Variants in BANP observed in about 807,000 individuals in gnomAD.
BANP encodes the protein BTG3 associated nuclear protein.
BANP carries 11 observed loss-of-function variants against 68.1 expected under a neutral mutation model. That is an observed-to-expected ratio of 0.16 (90% CI 0.10 to 0.27). The LOEUF is 0.27. Among genes scored for constraint, BANP ranks in the 10% least tolerant of loss-of-function variants. The pLI is 1.00. For synonymous variants in BANP, 329 were observed against 303.2 expected (o/e 1.09, Z -0.88); for missense variants, 504 against 722.7 (o/e 0.70, Z 3.47).
intron 7 of BANP, among the ~76,000 whole-genome samples, chr16:88,023,729 C>T (rs2076447645): frequency 6.6e-6 from 1 of 152,208 alleles, no homozygotes; most frequent in African/African-American, 2.4e-5. Context: ...ATGATTTGAA[C>T]CACCAGAGTC....
chr16:87,965,599 C>T (rs924198680), intron 1 of BANP, among the ~76,000 whole-genome samples: 7 of 120,282 alleles, frequency 5.8e-5, no homozygotes, highest in South Asian at 3.0e-4. Context: ...GGGGAGCGTT[C>T]GCATGGCTGG....
chr16:88,018,623 A>T lies in BANP; in HGVS notation c.851A>T (p.His284Leu). ...TCCAACCTCTCGGGGCAGGGCAAGC[A>T]CGGGAAGAAGCAGCTGGACCCGCTC... is the stretch of plus-strand genomic sequence containing the variant. ...AVSNLSGQGKHGKKQLDPLTI... is the reference protein window; with the variant it reads ...AVSNLSGQGKLGKKQLDPLTI... Residue 284 changes from histidine to leucine, a missense_variant, in exon 7 of 14, where the codon CAC becomes CTC. His to Leu is a moderately conservative substitution (Grantham distance 99). Around this residue, in one of 3 missense-constraint regions of BANP, gnomAD observed 43 missense variants for 197.7 expected, o/e 0.22. Transcript: ENST00000682872. The surrounding 1 kb of genome is among the most constrained non-coding windows in gnomAD (Gnocchi z 7.7). 1 of 1,579,040 alleles carries T rather than the reference A, an allele frequency of 6.3e-7. No homozygotes were observed. Among genetic ancestry groups the T allele is most frequent in the Non-Finnish European group, 8.6e-7 (1 of 1,162,324 alleles).
rs1490758259 is a variant in BANP, at chr16:87,957,361, G to A, written c.-69+5846G>A. 6.6e-6 allele frequency among the ~76,000 whole-genome samples: 1 copy of A among 152,214 alleles called. No individual in the cohort carries two copies. Among genetic ancestry groups the A allele is most frequent in the Non-Finnish European group, 1.5e-5 (1 of 68,036 alleles). ...CAGTGAAACACCTGAGGAAGGCTGG[G>A]CAGAATGGATCGGGGGTGTGTATTG... On this transcript the variant is annotated intron_variant, in intron 1 of 13. Transcript: ENST00000682872. The surrounding 1 kb of genome is among the most constrained non-coding windows in gnomAD (Gnocchi z 4.3).
intron 11 of BANP, among the ~76,000 whole-genome samples, chr16:88,041,630 C>T (rs1453558464): frequency 6.6e-6 from 1 of 152,232 alleles, no homozygotes; most frequent in East Asian, 1.9e-4. Flanking sequence ...TGCTCTGATA[C>T]TGAGGTTCCA....
chr16:88,050,226 G>T (rs1598871478), intron 11 of BANP, among the ~76,000 whole-genome samples: 1 of 152,282 alleles, frequency 6.6e-6, no homozygotes, highest in South Asian at 2.1e-4. Context: ...GTGTGATCTT[G>T]GCTTACTGCA....
chr16:87,966,233 T>TTC (rs1406387837), intron 1 of BANP, among the ~76,000 whole-genome samples: 18 of 152,182 alleles, frequency 1.2e-4, no homozygotes, highest in African/African-American at 4.3e-4. Context: ...CTGCTGTACA[T>TTC]TCAGGGTGTT....
intron 11 of BANP, among the ~76,000 whole-genome samples, chr16:88,058,829 A>C (rs2085869059): frequency 6.6e-6 from 1 of 152,166 alleles, no homozygotes; most frequent in South Asian, 2.1e-4. Context: ...AATTATTTTC[A>C]TGTGTAGACA....
chr16:88,026,388 T>C (rs556150569), intron 7 of BANP, among the ~76,000 whole-genome samples: 1 of 152,148 alleles, frequency 6.6e-6, no homozygotes, highest in Non-Finnish European at 1.5e-5. Flanking sequence ...TGAGCAGCGA[T>C]GGGAGGGTGT....
intron 13 of BANP, among the ~76,000 whole-genome samples, chr16:88,075,746 CTTTTT>C (rs34974822): frequency 1.5e-4 from 18 of 120,914 alleles, no homozygotes; most frequent in African/African-American, 4.8e-4. Context: ...TTTTCCTTTA[CTTTTT>C]TTTTTTTTTT....
intron 2 of BANP, among the ~76,000 whole-genome samples, chr16:87,977,521 C>G (rs2062405729): frequency 6.6e-6 from 1 of 152,182 alleles, no homozygotes; most frequent in African/African-American, 2.4e-5. Flanking sequence ...CTGCAGGTAC[C>G]TTGATGTGTC....
rs2058249419 is a variant in BANP at position 87,957,231 on chromosome 16, G to C, written c.-69+5716G>C. ...GGTCAGTGGTGGTGGAGGATGGCGC[G>C]GTGCTCCATTCGGAACCCACAGGTC... On this transcript the variant is annotated intron_variant, in intron 1 of 13. Coordinates refer to ENST00000682872, the MANE Select transcript of BANP (RefSeq NM_001386991.1). This position sits in a 1 kb window ranked among gnomAD's most constrained non-coding sequence, Gnocchi z 4.3. Among the ~76,000 whole-genome samples the C allele has an allele frequency of 6.6e-6, 1 of 152,184 alleles. No homozygotes were observed. The highest frequency in any genetic ancestry group is 2.4e-5 in the African/African-American group (1 of 41,438).
intron 1 of BANP, among the ~76,000 whole-genome samples, chr16:87,964,389 C>T (rs2059679792): frequency 6.6e-6 from 1 of 152,214 alleles, no homozygotes; most frequent in Non-Finnish European, 1.5e-5. Context: ...GTAAGTCAGA[C>T]AGTAGAGCAG....
intron 1 of BANP, among the ~76,000 whole-genome samples, chr16:87,953,557 G>A (rs2057415951): frequency 6.6e-6 from 1 of 152,086 alleles, no homozygotes; most frequent in South Asian, 2.1e-4. Context: ...TGGGGTGATG[G>A]AGCCCTTCTG....
chr16:88,020,488 A>G (rs188819689), intron 7 of BANP, among the ~76,000 whole-genome samples: 3 of 152,342 alleles, frequency 2.0e-5, no homozygotes, highest in Admixed American at 1.3e-4. Context: ...ACGAATGAGA[A>G]ATGGCCCTGA....
intron 4 of BANP, among the ~76,000 whole-genome samples, chr16:87,999,064 G>A (rs1257691210): frequency 3.8e-5 from 5 of 130,394 alleles, no homozygotes; most frequent in Non-Finnish European, 6.5e-5. Context: ...TTCCAGACAC[G>A]TCTCCATGCA....
At chr16:87,962,561 GGAAATTATGCATGCTCAGGT>G (rs1379543889) in intron 1 of BANP, among the ~76,000 whole-genome samples, 1 of 152,094 alleles carries the variant, frequency 6.6e-6, no homozygotes, top group Non-Finnish European at 1.5e-5. Context: ...ATGTGTCCCT[GGAAATTATGCATGCTCAGGT>G]GAAATTATGC....
rs1277483102 is a variant in BANP at position 88,057,677 on chromosome 16, G to T, written c.1312-7590G>T. On this transcript the variant is annotated intron_variant, in intron 11 of 13. Transcript: ENST00000682872. The surrounding 1 kb of genome is among the most constrained non-coding windows in gnomAD (Gnocchi z 4.6). The stretch of plus-strand genomic sequence containing the variant: ...TTTGGGTCCTGGTTCTTACATCCCA[G>T]AAGGGAAGTTGCGGCACTGTGCGAG... Among the ~76,000 whole-genome samples the T allele has an allele frequency of 6.9e-6, 1 of 145,072 alleles. No homozygotes were observed. Among genetic ancestry groups the T allele is most frequent in the Admixed American group, 7.1e-5 (1 of 14,154 alleles).
chr16:87,982,844 T>C (rs1163525203), intron 3 of BANP: 1 of 152,276 alleles, frequency 6.6e-6, no homozygotes, highest in East Asian at 1.9e-4. Context: ...ATGTATGATA[T>C]CACTGCAGTT....
chr16:87,991,197 C>CT (rs1210043990), intron 4 of BANP, among the ~76,000 whole-genome samples: 1 of 151,996 alleles, frequency 6.6e-6, no homozygotes, highest in African/African-American at 2.4e-5. Flanking sequence ...GTTTACATAC[C>CT]TACAACTTCA....
Sources: gnomAD v4.1 joint callset for allele counts (sites outside exome capture counted in the v4.1 genomes callset) on GRCh38, gnomAD v4.1.1 for gene constraint, gnomAD v4.1.1 regional missense constraint, Gnocchi (gnomAD v3.1) non-coding constraint, MANE v1.5 for transcripts, NCBI Gene and HGNC (gene_info 2026-07-23, HGNC 2026-07-21) for gene names.